WIPI2: variants seen among roughly 807,000 people sequenced by gnomAD.
WIPI2 encodes the protein WD repeat domain phosphoinositide-interacting protein 2.
Under a neutral mutation model 52.3 loss-of-function variants are expected in WIPI2, and 28 were observed. That is an observed-to-expected ratio of 0.54 (90% CI 0.40 to 0.73). WIPI2 has a LOEUF of 0.73. Among genes scored for constraint, WIPI2 ranks in the 30% least tolerant of loss-of-function variants. The probability of loss-of-function intolerance (pLI) is 0.00; values close to 1 mark genes in which losing one functional copy is unlikely to be tolerated. For synonymous variants in WIPI2, 268 were observed against 245.0 expected, an observed-to-expected ratio of 1.09 and a Z score of -0.88; for missense variants, 506 against 602.9, an observed-to-expected ratio of 0.84 and a Z score of 1.68.
At position 5,228,156 on chromosome 7, in the gene WIPI2, A is replaced by C; in HGVS notation, c.1066A>C (p.Met356Leu). ...LVGAADGYLY[M>L]YNLDPQEGGE... ...GGGTGCCGCCGACGGGTACCTGTACATGTACAACCTGGACCCCCAGGAGGG... is the reference window on the plus strand; with the variant it reads ...GGGTGCCGCCGACGGGTACCTGTACCTGTACAACCTGGACCCCCAGGAGGG... Residue 356 changes from methionine (M) to leucine (L), a missense_variant, in exon 11 of 13, where the codon ATG (methionine) becomes CTG (leucine). By Grantham distance (15) the Met-to-Leu change is conservative. Transcript: ENST00000288828. 2 of 1,613,958 alleles carry C rather than the reference A, an allele frequency of 1.2e-6. No homozygotes were observed. The highest frequency in any genetic ancestry group is 1.7e-6 in the Non-Finnish European group (2 of 1,180,012).
At chr7:5,222,728 T>C (rs1033356994) in intron 8 of WIPI2, 56 bp downstream of exon 8, 56 of 1,517,946 alleles carry the variant, frequency 3.7e-5, no homozygotes, top group Non-Finnish European at 4.8e-5. Flanking sequence ...GATTTCAGTT[T>C]TATGTTATCT....
intron 3 of WIPI2, among the ~76,000 whole-genome samples, chr7:5,212,905 G>A (rs926828331): frequency 6.6e-6 from 1 of 152,210 alleles, no homozygotes; most frequent in African/African-American, 2.4e-5. Context: ...GAGGGGACTG[G>A]TCAGAGAACC....
intron 3 of WIPI2, 30 bp downstream of exon 3, chr7:5,199,688 T>TAAA (rs200973486): frequency 7.5e-5 from 98 of 1,308,446 alleles, no homozygotes; most frequent in Middle Eastern, 2.5e-4. Flanking sequence ...TTCCCCTTCT[T>TAAA]AAAAAAAAAA....
In WIPI2 at chr7:5,228,220, G is replaced by C. The variant is rs1783539170; in HGVS notation, c.1121+9G>C. On this transcript the variant is annotated intron_variant, in intron 11 of 12. Transcript: ENST00000288828. ...CTGATGAAGCAGCACCGGTGAGTCT[G>C]CTCCGGCCGCTTCACGGAGCTGCTC... 6.2e-7 allele frequency: 1 copy of C among 1,607,036 alleles called. No individual in the cohort carries two copies. The highest frequency in any genetic ancestry group is 8.5e-7 in the Non-Finnish European group (1 of 1,177,614).
intron 3 of WIPI2, among the ~76,000 whole-genome samples, chr7:5,212,393 C>T (rs1195227574): frequency 6.6e-6 from 1 of 152,172 alleles, no homozygotes; most frequent in Non-Finnish European, 1.5e-5. Context: ...AATGGGGTGC[C>T]TGGAGAGTGA....
At chr7:5,202,154 C>T (rs2115227897) in intron 3 of WIPI2, among the ~76,000 whole-genome samples, 1 of 152,262 alleles carries the variant, frequency 6.6e-6, no homozygotes, top group South Asian at 2.1e-4. Context: ...TTTGCTGTCA[C>T]TCACTGTGGC....
intron 3 of WIPI2, among the ~76,000 whole-genome samples, chr7:5,210,902 A>C (rs920766631): frequency 2.6e-5 from 4 of 151,984 alleles, no homozygotes; most frequent in African/African-American, 7.3e-5. Context: ...TTGGTTCACT[A>C]ACATTGAACT....
intron 8 of WIPI2, among the ~76,000 whole-genome samples, 176 bp from the exon 9 acceptor site, chr7:5,225,647 C>A (rs1369531295): frequency 2.0e-5 from 3 of 152,150 alleles, no homozygotes; most frequent in Non-Finnish European, 4.4e-5. Flanking sequence ...CTTAGTATTT[C>A]CTTTTGAACA....
chr7:5,206,059 T>C (rs1489813624), intron 3 of WIPI2, among the ~76,000 whole-genome samples: 1 of 152,196 alleles, frequency 6.6e-6, no homozygotes, highest in Non-Finnish European at 1.5e-5. Flanking sequence ...TTCTGAAGTC[T>C]TGAATTTCTA....
In WIPI2 at chr7:5,217,204, G is replaced by A. The variant is rs550473265; in HGVS notation, c.576+17G>A. The A allele has an allele frequency of 6.2e-7, 1 of 1,613,188 alleles. No homozygotes were observed. The highest frequency in any genetic ancestry group is 1.3e-5 in the African/African-American group (1 of 75,046). On this transcript the variant is annotated intron_variant, in intron 6 of 12. Coordinates refer to ENST00000288828, the MANE Select transcript of WIPI2 (RefSeq NM_015610.4). ...ATTAATTTGGTGAGATGCCTTTCCT[G>A]CTCGAATAGCTCTCTAAAGTGTGGC...
At chr7:5,200,658 C>T (rs901078174) in intron 3 of WIPI2, among the ~76,000 whole-genome samples, 2 of 152,068 alleles carry the variant, frequency 1.3e-5, no homozygotes, top group African/African-American at 4.8e-5. Context: ...CAGGTTCCAG[C>T]GATTCTGAAC....
At chr7:5,214,427 T>C in intron 3 of WIPI2, 108 bp from the exon 4 acceptor site, 1 of 1,611,758 alleles carries the variant, frequency 6.2e-7, no homozygotes, top group Non-Finnish European at 8.5e-7. Context: ...CCCTCAGCGC[T>C]GTGCCCTGCG....
At chr7:5,229,989 C>T (rs957359529) in intron 12 of WIPI2, among the ~76,000 whole-genome samples, 2 of 148,216 alleles carry the variant, frequency 1.3e-5, no homozygotes, top group African/African-American at 2.5e-5. Context: ...AGGGTGGTCT[C>T]AAACTCCTCC....
At chr7:5,204,902 G>A (rs561838397) in intron 3 of WIPI2, among the ~76,000 whole-genome samples, 5 of 152,064 alleles carry the variant, frequency 3.3e-5, no homozygotes, top group East Asian at 1.9e-4. Flanking sequence ...TCTTGAACTC[G>A]TGGGCTCAGG....
chr7:5,204,297 C>T (rs1782187468), intron 3 of WIPI2, among the ~76,000 whole-genome samples: 1 of 151,982 alleles, frequency 6.6e-6, no homozygotes, highest in African/African-American at 2.4e-5. Context: ...TGAAACCGCG[C>T]CTCTACTAAA....
At chr7:5,193,788 G>C (rs1436243890) in intron 2 of WIPI2, among the ~76,000 whole-genome samples, 1 of 151,982 alleles carries the variant, frequency 6.6e-6, no homozygotes, top group East Asian at 1.9e-4. Flanking sequence ...ATGTCGACCA[G>C]GCTGGTGTTG....
intron 11 of WIPI2, among the ~76,000 whole-genome samples, chr7:5,229,079 G>C (rs761918658): frequency 6.6e-6 from 1 of 151,866 alleles, no homozygotes; most frequent in Non-Finnish European, 1.5e-5. Context: ...ACAGTGGCGC[G>C]ATCTCGGCTC....
At chr7:5,200,462 CAT>C (rs1781966502) in intron 3 of WIPI2, among the ~76,000 whole-genome samples, 1 of 152,148 alleles carries the variant, frequency 6.6e-6, no homozygotes, top group African/African-American at 2.4e-5. Context: ...AGTGTAATAT[CAT>C]AGCTGGGATA....
At chr7:5,217,538 C>G in intron 6 of WIPI2, 1 of 392,356 alleles carries the variant, frequency 2.5e-6, no homozygotes, top group Non-Finnish European at 4.8e-6. Context: ...CTTAAGCCAT[C>G]CTCCCGCCTC....
Sources: gnomAD v4.1 joint callset for allele counts (sites outside exome capture counted in the v4.1 genomes callset) on GRCh38, gnomAD v4.1.1 for gene constraint, MANE v1.5 for transcripts, NCBI Gene and HGNC (gene_info 2026-07-23, HGNC 2026-07-21) for gene names.